PIGN: variants seen among roughly 807,000 people sequenced by gnomAD.
The protein encoded by PIGN is GPI ethanolamine phosphate transferase 1.
Under a neutral mutation model 125.4 loss-of-function variants are expected in PIGN, and 117 were observed. The ratio of observed to expected loss-of-function variants is 0.93; its 90% CI spans 0.80 to 1.09. PIGN has a LOEUF of 1.09. PIGN is among the 50% of genes least tolerant of loss of function. The pLI is 0.00. For synonymous variants in PIGN, 392 were observed against 377.8 expected, an observed-to-expected ratio of 1.04 and a Z score of -0.44; for missense variants, 1,075 against 1,094.9, an observed-to-expected ratio of 0.98 and a Z score of 0.26.
chr18:62,165,273 C>G (rs961244906), intron 1 of PIGN, among the ~76,000 whole-genome samples: 2 of 152,220 alleles, frequency 1.3e-5, no homozygotes, highest in African/African-American at 4.8e-5. Context: ...CACAGAAGCC[C>G]TCACCAGAAG....
intron 23 of PIGN, among the ~76,000 whole-genome samples, chr18:62,029,222 C>T (rs575899163): frequency 2.0e-5 from 3 of 152,306 alleles, no homozygotes; most frequent in Admixed American, 2.0e-4. Flanking sequence ...AACCACTTTT[C>T]GTTTTTCTCT....
rs188652952 is a variant in PIGN at position 62,133,267 on chromosome 18, C to T, written c.1172+4976G>A. Among the ~76,000 whole-genome samples the T allele has an allele frequency of 7.2e-5, 11 of 152,256 alleles. No homozygotes were observed. The East Asian group carries it at 1.4e-3, about 19-fold the overall frequency. On this transcript the variant is annotated intron_variant, in intron 14 of 30. Coordinates refer to ENST00000640252, the MANE Select transcript of PIGN (RefSeq NM_176787.5). ...TTATTTGCAACTTAGGGATGTAACCCCATCATAAGTCAAGGTGCACGTTGT... is the reference window on the plus strand; with the variant it reads ...TTATTTGCAACTTAGGGATGTAACCTCATCATAAGTCAAGGTGCACGTTGT...
At chr18:62,034,930 C>T (rs2030238768) in intron 23 of PIGN, among the ~76,000 whole-genome samples, 2 of 152,086 alleles carry the variant, frequency 1.3e-5, no homozygotes, top group Admixed American at 1.3e-4. Context: ...GGGGAGAATG[C>T]TATGGTTTGG....
At chr18:62,031,903 G>A (rs980814971) in intron 23 of PIGN, among the ~76,000 whole-genome samples, 1 of 152,058 alleles carries the variant, frequency 6.6e-6, no homozygotes, top group Non-Finnish European at 1.5e-5. Context: ...CAGTTCCAAA[G>A]TCCTATATCC....
chr18:62,134,190 C>G (rs1481425403), intron 14 of PIGN, among the ~76,000 whole-genome samples: 5 of 151,842 alleles, frequency 3.3e-5, no homozygotes, highest in Non-Finnish European at 7.4e-5. Flanking sequence ...GTCAGGAGTT[C>G]GAGACCAGCC....
At chr18:62,120,758 ATACT>A (rs1240898799) in intron 14 of PIGN, among the ~76,000 whole-genome samples, 3 of 152,106 alleles carry the variant, frequency 2.0e-5, no homozygotes, top group African/African-American at 4.8e-5. Flanking sequence ...ATAATTTAAA[ATACT>A]TAATTAATCC....
At chr18:62,068,852 G>A (rs192757449) in intron 30 of PIGN, among the ~76,000 whole-genome samples, 64 of 152,214 alleles carry the variant, frequency 4.2e-4, no homozygotes, top group Non-Finnish European at 5.6e-4. Flanking sequence ...ACTCTTGTAA[G>A]CCCCACACTT....
intron 30 of PIGN, among the ~76,000 whole-genome samples, chr18:62,059,930 C>T (rs1568128108): frequency 6.6e-6 from 1 of 152,156 alleles, no homozygotes; most frequent in Non-Finnish European, 1.5e-5. Context: ...AATATTAAAT[C>T]TGATTTGATG....
At chr18:62,139,375 T>C (rs550170456) in intron 12 of PIGN, among the ~76,000 whole-genome samples, 4 of 152,286 alleles carry the variant, frequency 2.6e-5, no homozygotes, top group African/African-American at 9.6e-5. Context: ...AAAAAACAAT[T>C]ACAATGGTAG....
chr18:62,084,431 A>C, intron 27 of PIGN, 100 bp downstream of exon 27: 1 of 722,740 alleles, frequency 1.4e-6, no homozygotes, highest in Non-Finnish European at 2.3e-6. Context: ...CCAACTCTGA[A>C]AGGATATCTT....
At chr18:62,117,174 T>TTGTC (rs1289757881) in intron 14 of PIGN, among the ~76,000 whole-genome samples, 5 of 152,136 alleles carry the variant, frequency 3.3e-5, no homozygotes, top group Non-Finnish European at 2.9e-5. Context: ...CATTAAAGAC[T>TTGTC]CTCATACACT....
intron 1 of PIGN, among the ~76,000 whole-genome samples, chr18:62,181,766 G>A (rs2037725492): frequency 1.3e-5 from 2 of 151,832 alleles, no homozygotes; most frequent in Admixed American, 6.6e-5. Flanking sequence ...CCTATCTATC[G>A]CCCAGGCTGG....
At chr18:62,112,670 GGTAA>G (rs2146564522) in intron 16 of PIGN, 1 of 154,798 alleles carries the variant, frequency 6.5e-6, no homozygotes, top group South Asian at 2.1e-4. Context: ...GTTAAAAGAA[GGTAA>G]GTAATTAAAA....
At chr18:62,066,244 C>T (rs1306693428) in intron 30 of PIGN, among the ~76,000 whole-genome samples, 2 of 152,164 alleles carry the variant, frequency 1.3e-5, no homozygotes. Context: ...GACTGAGCAG[C>T]CTACACACCC....
At chr18:62,033,446 C>T (rs1181176433) in intron 23 of PIGN, among the ~76,000 whole-genome samples, 5 of 152,190 alleles carry the variant, frequency 3.3e-5, no homozygotes, top group South Asian at 2.1e-4. Flanking sequence ...CTTTGATAAA[C>T]GTGACTGATA....
chr18:62,026,680 C>T, intron 23 of PIGN, among the ~76,000 whole-genome samples: 1 of 152,188 alleles, frequency 6.6e-6, no homozygotes, highest in African/African-American at 2.4e-5. Context: ...ACACGGAGAA[C>T]CCCAACAGCC....
At chr18:62,054,475 CTTTTT>C (rs149265252) in intron 30 of PIGN, among the ~76,000 whole-genome samples, 1 of 141,686 alleles carries the variant, frequency 7.1e-6, no homozygotes, top group Non-Finnish European at 1.5e-5. Flanking sequence ...CAACAAAATA[CTTTTT>C]TTTTTCCTAT....
At chr18:62,061,894 G>C (rs1299222538) in intron 30 of PIGN, among the ~76,000 whole-genome samples, 1 of 152,106 alleles carries the variant, frequency 6.6e-6, no homozygotes, top group African/African-American at 2.4e-5. Context: ...TGGTGCTTTA[G>C]TTTTGAATCT....
At chr18:62,061,881 G>T in intron 30 of PIGN, among the ~76,000 whole-genome samples, 1 of 152,186 alleles carries the variant, frequency 6.6e-6, no homozygotes, top group Non-Finnish European at 1.5e-5. Flanking sequence ...GAACCCTATC[G>T]TATGGTGCTT....
Sources: gnomAD v4.1 joint callset for allele counts (sites outside exome capture counted in the v4.1 genomes callset) on GRCh38, gnomAD v4.1.1 for gene constraint, MANE v1.5 for transcripts, NCBI Gene and HGNC (gene_info 2026-07-23, HGNC 2026-07-21) for gene names.